Variants in RCAN1 observed in about 807,000 individuals in gnomAD.
The protein encoded by RCAN1 is regulator of calcineurin 1, also known as calcipressin-1.
In RCAN1, 11 loss-of-function variants were observed where a neutral mutation model predicts 22.9. The ratio of observed to expected loss-of-function variants is 0.48; its 90% CI spans 0.30 to 0.79. The LOEUF (loss-of-function observed/expected upper bound fraction) is 0.79. Ranked by LOEUF, RCAN1 falls within the 30% of genes least tolerant of loss-of-function variation. RCAN1 has a pLI of 0.06. For missense variants in RCAN1, 291 were observed against 337.8 expected (o/e 0.86, Z 1.09); for synonymous variants, 136 against 142.3 (o/e 0.96, Z 0.32).
At chr21:34,527,961 G>A (rs916711669) in intron 1 of RCAN1, among the ~76,000 whole-genome samples, 1 of 152,118 alleles carries the variant, frequency 6.6e-6, no homozygotes, top group African/African-American at 2.4e-5. Context: ...GCTCTGCGAT[G>A]CAAGACTGAC....
rs185602093 is a variant in RCAN1 at position 34,610,176 on chromosome 21, G to A, written c.252+4584C>T. ...GCTTGGAAGAGGAACAGGCAGAAAC[G>A]CAGCCAAGTATATACAACCTCAGGA... On this transcript the variant is annotated intron_variant, in intron 1 of 3. Coordinates refer to ENST00000313806, the MANE Select transcript of RCAN1 (RefSeq NM_004414.7). 3.9e-5 allele frequency among the ~76,000 whole-genome samples: 6 copies of A among 152,220 alleles called. No individual in the cohort carries two copies. The South Asian group carries it at 6.2e-4, about 16-fold the overall frequency.
chr21:34,549,738 AT>A (rs1986290927), intron 1 of RCAN1, among the ~76,000 whole-genome samples: 2 of 152,136 alleles, frequency 1.3e-5, no homozygotes, highest in East Asian at 3.9e-4. Context: ...GTTCTGAAAT[AT>A]TTCTGAGCGG....
intron 1 of RCAN1, among the ~76,000 whole-genome samples, chr21:34,541,681 T>C (rs144700916): frequency 5.9e-5 from 9 of 152,348 alleles, no homozygotes; most frequent in African/African-American, 2.2e-4. Context: ...ACGCCTGTAA[T>C]GCCAGCACTT....
At chr21:34,603,283 G>A (rs376493968) in intron 1 of RCAN1, among the ~76,000 whole-genome samples, 2 of 152,114 alleles carry the variant, frequency 1.3e-5, no homozygotes, top group Non-Finnish European at 2.9e-5. Context: ...AAAGCTCTCC[G>A]GCCCCTCCAC....
intron 1 of RCAN1, among the ~76,000 whole-genome samples, chr21:34,538,321 G>A (rs796718553): frequency 8.5e-5 from 13 of 152,286 alleles, no homozygotes; most frequent in African/African-American, 3.1e-4. Context: ...TGTTGAAAAT[G>A]ATGGGAAGAT....
At chr21:34,525,470 C>A (rs2268258) in intron 1 of RCAN1, 82,193 of 1,251,886 alleles carry the variant, frequency 0.066, 5,180 homozygotes, top group East Asian at 0.37. Context: ...AAGTTTCTGG[C>A]AAAAGTGTGT....
At chr21:34,605,144 G>A (rs922943873) in intron 1 of RCAN1, among the ~76,000 whole-genome samples, 3 of 152,234 alleles carry the variant, frequency 2.0e-5, no homozygotes, top group Admixed American at 6.5e-5. Flanking sequence ...TGGGAAAGGC[G>A]GACCCACCCT....
At chr21:34,565,461 C>T (rs961944338) in intron 1 of RCAN1, among the ~76,000 whole-genome samples, 4 of 152,178 alleles carry the variant, frequency 2.6e-5, no homozygotes, top group Admixed American at 1.3e-4. Flanking sequence ...TATCCTATCC[C>T]GTGCCCTCAA....
chr21:34,526,040 C>T (rs976514467), intron 1 of RCAN1, among the ~76,000 whole-genome samples: 6 of 152,048 alleles, frequency 3.9e-5, no homozygotes, highest in African/African-American at 1.4e-4. Context: ...CTCAATTAGC[C>T]GGATAGCTGC....
chr21:34,591,043 G>A (rs1309000407), intron 1 of RCAN1, among the ~76,000 whole-genome samples: 1 of 152,148 alleles, frequency 6.6e-6, no homozygotes, highest in Non-Finnish European at 1.5e-5. Context: ...AACCTGACAG[G>A]ACACACAAAA....
intron 1 of RCAN1, among the ~76,000 whole-genome samples, chr21:34,593,441 C>T (rs532560104): frequency 9.2e-5 from 14 of 152,344 alleles, no homozygotes; most frequent in African/African-American, 3.4e-4. Context: ...ATGAAAAAGA[C>T]TTGGCTTATA....
intron 1 of RCAN1, among the ~76,000 whole-genome samples, chr21:34,601,608 G>A (rs1988345781): frequency 6.6e-6 from 1 of 152,180 alleles, no homozygotes; most frequent in South Asian, 2.1e-4. Context: ...CACGAGGTCA[G>A]GAGATCGAGA....
chr21:34,597,578 G>C lies in RCAN1; in HGVS notation c.252+17182C>G, dbSNP rs144617863. On this transcript the variant is annotated intron_variant, in intron 1 of 3. Coordinates refer to ENST00000313806, the MANE Select transcript of RCAN1 (RefSeq NM_004414.7). ...TGTTGGGGTAACTAGGTCTGTAACA[G>C]GGAAAGTCATCAAGATACCTGAAGG... Among the ~76,000 whole-genome samples the C allele has an allele frequency of 7.9e-4, 120 of 152,312 alleles. 1 individual carries two copies. The Middle Eastern group carries it at 0.01, about 13-fold the overall frequency.
intron 1 of RCAN1, among the ~76,000 whole-genome samples, chr21:34,532,814 C>A (rs1208457675): frequency 6.6e-6 from 1 of 152,196 alleles, no homozygotes; most frequent in Non-Finnish European, 1.5e-5. Flanking sequence ...AACCCTGCCA[C>A]TAAGATGAGT....
At chr21:34,533,251 C>T (rs188144357) in intron 1 of RCAN1, among the ~76,000 whole-genome samples, 11 of 152,308 alleles carry the variant, frequency 7.2e-5, no homozygotes, top group African/African-American at 1.9e-4. Flanking sequence ...TGAGCCACCG[C>T]GCCAGGCCCA....
intron 1 of RCAN1, among the ~76,000 whole-genome samples, chr21:34,558,865 T>G (rs773236737): frequency 6.6e-6 from 1 of 152,156 alleles, no homozygotes; most frequent in Admixed American, 6.5e-5. Flanking sequence ...CCAATGGAAT[T>G]CAGGGAATCC....
chr21:34,567,225 G>C (rs1022483538), intron 1 of RCAN1, among the ~76,000 whole-genome samples: 19 of 152,374 alleles, frequency 1.2e-4, no homozygotes, highest in African/African-American at 4.3e-4. Context: ...GCTGGGCGCG[G>C]TGGCTCACGC....
intron 1 of RCAN1, among the ~76,000 whole-genome samples, chr21:34,543,882 G>A (rs1438174560): frequency 6.6e-6 from 1 of 152,240 alleles, no homozygotes; most frequent in African/African-American, 2.4e-5. Context: ...TGACCACAGT[G>A]GCACTGACAG....
chr21:34,539,305 A>C (rs1985816035), intron 1 of RCAN1, among the ~76,000 whole-genome samples: 1 of 152,236 alleles, frequency 6.6e-6, no homozygotes, highest in African/African-American at 2.4e-5. Context: ...ATACATGCTA[A>C]ATTCATTCAG....
Sources: allele counts gnomAD v4.1 joint callset (sites outside exome capture counted in the v4.1 genomes callset), GRCh38; gene constraint gnomAD v4.1.1; transcripts MANE v1.5; gene names NCBI Gene and HGNC (gene_info 2026-07-23, HGNC 2026-07-21).